The following ARL15 variants were observed in gnomAD, a reference collection of about 807,000 sequenced individuals.
ARL15 encodes the protein ADP-ribosylation factor-like protein 15.
ARL15 carries 19 observed loss-of-function variants against 25.2 expected under a neutral mutation model. The observed-to-expected ratio is 0.75, with a 90% CI of 0.53 to 1.10. The LOEUF (loss-of-function observed/expected upper bound fraction) is 1.10, where lower values mean the gene tolerates loss of function less well. Among genes scored for constraint, ARL15 ranks in the 50% least tolerant of loss-of-function variants. The pLI, the probability that ARL15 is intolerant of heterozygous loss-of-function variation, is 0.00. For synonymous variants in ARL15, 94 were observed against 86.8 expected (o/e 1.08, Z -0.46); for missense variants, 220 against 246.0 (o/e 0.89, Z 0.71).
intron 1 of ARL15, among the ~76,000 whole-genome samples, chr5:54,299,659 G>A (rs747996777): frequency 7.9e-6 from 1 of 126,870 alleles, no homozygotes; most frequent in Non-Finnish European, 1.5e-5. Flanking sequence ...GCGCAATCTC[G>A]GCTCACTGCA....
At chr5:54,084,276 C>T (rs1383501085) in intron 4 of ARL15, among the ~76,000 whole-genome samples, 4 of 152,004 alleles carry the variant, frequency 2.6e-5, no homozygotes, top group Non-Finnish European at 5.9e-5. Flanking sequence ...AGAATAGGAG[C>T]GGATTCTCAG....
intron 4 of ARL15, among the ~76,000 whole-genome samples, chr5:53,903,717 A>T (rs4865559): frequency 3.9e-5 from 6 of 152,112 alleles, no homozygotes; most frequent in Admixed American, 3.9e-4. Flanking sequence ...ATCACAGGTC[A>T]ACAGCTCCTA....
chr5:54,197,531 A>G (rs1190001870), intron 1 of ARL15, among the ~76,000 whole-genome samples: 1 of 152,176 alleles, frequency 6.6e-6, no homozygotes, highest in Non-Finnish European at 1.5e-5. Flanking sequence ...TTCAATCAGT[A>G]CTTCCACATT....
chr5:53,928,060 A>T (rs565034592), intron 4 of ARL15, among the ~76,000 whole-genome samples: 1 of 152,262 alleles, frequency 6.6e-6, no homozygotes, highest in East Asian at 1.9e-4. Flanking sequence ...ATGTCAGTGA[A>T]TATTATTGAT....
chr5:53,938,829 G>C (rs1423325458), intron 4 of ARL15, among the ~76,000 whole-genome samples: 1 of 152,092 alleles, frequency 6.6e-6, no homozygotes, highest in Non-Finnish European at 1.5e-5. Context: ...GGGTGACAGA[G>C]AGAGACTCTG....
At chr5:54,102,739 G>C (rs1206943159) in intron 4 of ARL15, among the ~76,000 whole-genome samples, 2 of 152,030 alleles carry the variant, frequency 1.3e-5, no homozygotes, top group Admixed American at 1.3e-4. Context: ...CTGTACACAA[G>C]TTACCCAGAT....
chr5:54,264,354 A>G (rs930170545), intron 1 of ARL15, among the ~76,000 whole-genome samples: 14 of 152,168 alleles, frequency 9.2e-5, no homozygotes, highest in African/African-American at 3.1e-4. Flanking sequence ...AACCAAATTC[A>G]TCTCTACAAT....
chr5:53,980,986 A>C (rs1187185243), intron 4 of ARL15, among the ~76,000 whole-genome samples: 1 of 152,168 alleles, frequency 6.6e-6, no homozygotes, highest in African/African-American at 2.4e-5. Flanking sequence ...GTTTCAAAAA[A>C]ACAAAGCAAC....
intron 1 of ARL15, among the ~76,000 whole-genome samples, chr5:54,187,533 T>A (rs981712296): frequency 1.3e-5 from 2 of 152,126 alleles, no homozygotes; most frequent in African/African-American, 4.8e-5. Flanking sequence ...TGTGCCAGAG[T>A]CTTGGGAATG....
At chr5:53,940,273 G>C (rs1246795191) in intron 4 of ARL15, among the ~76,000 whole-genome samples, 1 of 152,108 alleles carries the variant, frequency 6.6e-6, no homozygotes, top group Non-Finnish European at 1.5e-5. Context: ...GCGCCCGGCA[G>C]TCCTGAAGTT....
At chr5:53,890,324 T>TA (rs1383610672) in intron 4 of ARL15, among the ~76,000 whole-genome samples, 13 of 149,484 alleles carry the variant, frequency 8.7e-5, no homozygotes, top group South Asian at 2.1e-4. Flanking sequence ...TTTTAAGGTT[T>TA]AAAAAAAAAA....
intron 4 of ARL15, among the ~76,000 whole-genome samples, chr5:54,015,162 T>C (rs756839362): frequency 2.0e-5 from 3 of 151,234 alleles, no homozygotes; most frequent in Non-Finnish European, 4.4e-5. Flanking sequence ...GGCATGGTGG[T>C]GGGCACCTGT....
intron 1 of ARL15, among the ~76,000 whole-genome samples, chr5:54,258,680 G>A (rs1334286300): frequency 6.6e-6 from 1 of 152,128 alleles, no homozygotes; most frequent in African/African-American, 2.4e-5. Context: ...AACATCCTCT[G>A]GAGTAATGGA....
chr5:54,129,547 C>T (rs1264976220), intron 3 of ARL15, among the ~76,000 whole-genome samples: 1 of 152,174 alleles, frequency 6.6e-6, no homozygotes, highest in Non-Finnish European at 1.5e-5. Context: ...AAATAAGGCA[C>T]AGAACAGAAA....
At chr5:54,055,004 C>T (rs1486994417) in intron 4 of ARL15, among the ~76,000 whole-genome samples, 3 of 152,160 alleles carry the variant, frequency 2.0e-5, no homozygotes, top group Non-Finnish European at 4.4e-5. Flanking sequence ...ATACAATTCA[C>T]ATACCACACA....
chr5:54,158,216 A>G (rs1201489504), intron 2 of ARL15, among the ~76,000 whole-genome samples: 3 of 152,190 alleles, frequency 2.0e-5, no homozygotes, highest in South Asian at 4.1e-4. Flanking sequence ...CTAGAGAAAG[A>G]AAGTCTAGGT....
intron 1 of ARL15, among the ~76,000 whole-genome samples, chr5:54,224,427 A>C (rs1287683934): frequency 6.6e-6 from 1 of 152,234 alleles, no homozygotes; most frequent in East Asian, 1.9e-4. Flanking sequence ...CAGGACAGAC[A>C]CGTGCAATAG....
intron 1 of ARL15, among the ~76,000 whole-genome samples, chr5:54,186,319 T>C (rs935865299): frequency 1.3e-5 from 2 of 152,212 alleles, no homozygotes; most frequent in African/African-American, 4.8e-5. Context: ...AGATTCTGAC[T>C]GCAAAGTCTG....
At chr5:54,054,469 C>G (rs555761648) in intron 4 of ARL15, among the ~76,000 whole-genome samples, 1 of 152,290 alleles carries the variant, frequency 6.6e-6, no homozygotes, top group Admixed American at 6.5e-5. Flanking sequence ...ATATAAACTA[C>G]ATTCAACAAT....
Sources: gnomAD v4.1 joint callset for allele counts (sites outside exome capture counted in the v4.1 genomes callset) on GRCh38, gnomAD v4.1.1 for gene constraint, MANE v1.5 for transcripts, NCBI Gene and HGNC (gene_info 2026-07-23, HGNC 2026-07-21) for gene names.